Variants in ZYG11B observed in about 807,000 individuals in gnomAD.
ZYG11B encodes zyg-11 family member B, cell cycle regulator, also known as protein zyg-11 homolog B.
In ZYG11B, 36 loss-of-function variants were observed where a neutral mutation model predicts 82.4. The observed-to-expected ratio is 0.44, with a 90% CI of 0.33 to 0.58. The LOEUF (loss-of-function observed/expected upper bound fraction) is 0.58. ZYG11B is among the 20% of genes least tolerant of loss of function. The probability of loss-of-function intolerance (pLI) is 0.02; values close to 1 mark genes in which losing one functional copy is unlikely to be tolerated. For synonymous variants in ZYG11B, 303 were observed against 312.8 expected, an observed-to-expected ratio of 0.97 and a Z score of 0.33; for missense variants, 552 against 895.6, an observed-to-expected ratio of 0.62 and a Z score of 4.90.
intron 2 of ZYG11B, among the ~76,000 whole-genome samples, chr1:52,767,852 G>A (rs1359261660): frequency 6.6e-6 from 1 of 152,134 alleles, no homozygotes; most frequent in Non-Finnish European, 1.5e-5. Flanking sequence ...TCCTATGACA[G>A]CACCCCAGCA....
intron 1 of ZYG11B, among the ~76,000 whole-genome samples, chr1:52,735,557 G>T (rs1276888768): frequency 1.3e-5 from 2 of 151,636 alleles, no homozygotes; most frequent in Non-Finnish European, 2.9e-5. Flanking sequence ...TTTATTTTGA[G>T]ACAGAGTCTC....
At chr1:52,770,092 A>ATTTTTTTTTT (rs33953020) in intron 2 of ZYG11B, among the ~76,000 whole-genome samples, 1 of 94,470 alleles carries the variant, frequency 1.1e-5, no homozygotes, top group Non-Finnish European at 1.9e-5. Context: ...ATATATATAT[A>ATTTTTTTTTT]TTTTTTTTTT....
At chr1:52,728,475 C>T (rs1644303207) in intron 1 of ZYG11B, among the ~76,000 whole-genome samples, 1 of 152,202 alleles carries the variant, frequency 6.6e-6, no homozygotes, top group Non-Finnish European at 1.5e-5. Context: ...CCAGTCTGGT[C>T]TTGACCTCCT....
intron 1 of ZYG11B, among the ~76,000 whole-genome samples, chr1:52,741,266 C>T (rs1644427327): frequency 7.7e-6 from 1 of 129,856 alleles, no homozygotes; most frequent in Non-Finnish European, 1.6e-5. Context: ...CCATTGCACT[C>T]CAGCCTGGGG....
chr1:52,786,961 A>G (rs908555679), intron 5 of ZYG11B, among the ~76,000 whole-genome samples: 2 of 152,056 alleles, frequency 1.3e-5, no homozygotes, highest in Non-Finnish European at 2.9e-5. Context: ...GTGGTGGCGC[A>G]TGCTTATAAT....
chr1:52,820,130 G>A (rs1391708429), intron 13 of ZYG11B, among the ~76,000 whole-genome samples: 5 of 151,000 alleles, frequency 3.3e-5, no homozygotes, highest in Non-Finnish European at 5.9e-5. Context: ...TAGCCAGGAT[G>A]GTCTCGATCT....
chr1:52,799,823 A>G (rs1645061022), intron 8 of ZYG11B, among the ~76,000 whole-genome samples: 1 of 152,052 alleles, frequency 6.6e-6, no homozygotes, highest in African/African-American at 2.4e-5. Context: ...AAAAAAAGTA[A>G]TGTTATAAAG....
chr1:52,768,341 C>T (rs560198452), intron 2 of ZYG11B, among the ~76,000 whole-genome samples: 3 of 152,124 alleles, frequency 2.0e-5, no homozygotes, highest in African/African-American at 7.2e-5. Flanking sequence ...CAAGGTCCCC[C>T]CTAGCTGATC....
chr1:52,743,332 CT>C (rs1478311044), intron 1 of ZYG11B, among the ~76,000 whole-genome samples: 2 of 148,532 alleles, frequency 1.3e-5, no homozygotes, highest in Non-Finnish European at 3.0e-5. Context: ...CTGACCTTCC[CT>C]CCACTATTGT....
intron 3 of ZYG11B, among the ~76,000 whole-genome samples, chr1:52,776,411 G>C (rs1644810770): frequency 6.7e-6 from 1 of 149,608 alleles, no homozygotes. Flanking sequence ...ACAGATGCCT[G>C]TTGTCCCAGT....
chr1:52,801,237 A>G (rs1264852011), intron 8 of ZYG11B, among the ~76,000 whole-genome samples: 1 of 152,126 alleles, frequency 6.6e-6, no homozygotes, highest in Non-Finnish European at 1.5e-5. Flanking sequence ...AGGGGCTATT[A>G]TCTTATTTAT....
intron 2 of ZYG11B, among the ~76,000 whole-genome samples, chr1:52,758,617 T>TTA (rs1460091240): frequency 1.3e-5 from 2 of 152,154 alleles, no homozygotes; most frequent in Non-Finnish European, 2.9e-5. Context: ...TGCTGTGGCT[T>TTA]TATATATATA....
At chr1:52,770,861 T>A (rs143882784) in intron 2 of ZYG11B, among the ~76,000 whole-genome samples, 159 bp from the exon 3 acceptor site, 1 of 152,316 alleles carries the variant, frequency 6.6e-6, no homozygotes, top group Admixed American at 6.5e-5. Flanking sequence ...AGTTTACTCA[T>A]CTACAAGTTG....
At chr1:52,766,636 G>C (rs1469591951) in intron 2 of ZYG11B, among the ~76,000 whole-genome samples, 1 of 152,062 alleles carries the variant, frequency 6.6e-6, no homozygotes, top group Non-Finnish European at 1.5e-5. Context: ...GTTTTAGTTT[G>C]AGTCACTGAC....
intron 1 of ZYG11B, among the ~76,000 whole-genome samples, chr1:52,739,189 G>T (rs7530078): frequency 0.5 from 76,143 of 150,802 alleles, 19,352 homozygotes; most frequent in East Asian, 0.63. Flanking sequence ...GTTTCACCAT[G>T]TTGGCCATGT....
intron 6 of ZYG11B, 81 bp downstream of exon 6, chr1:52,790,148 A>G (rs1326307987): frequency 2.1e-6 from 2 of 946,704 alleles, no homozygotes; most frequent in East Asian, 2.7e-5. Flanking sequence ...ACCATTTAGG[A>G]TATCCCTTTT....
Position 52,776,229 on chromosome 1 carries a change from A to AAAATAT in ZYG11B, c.952-3623_952-3622insAATATA. 2.5e-4 allele frequency among the ~76,000 whole-genome samples: 6 copies of AAAATAT among 23,538 alleles called. 1 individual carries two copies. Among genetic ancestry groups the AAAATAT allele is most frequent in the South Asian group, 2.4e-3 (1 of 422 alleles). 15.4% of individuals were successfully genotyped at this position (23,538 alleles called of 152,430 possible). On this transcript the variant is annotated intron_variant, in intron 3 of 13. Coordinates refer to ENST00000294353, the MANE Select transcript of ZYG11B (RefSeq NM_024646.3). Reference sequence around the variant, plus strand: ...AGCAAAACTCTGTCTTAAAAAAAAAAATATATATATATATATGCAATAAAG... The same window carrying AAAATAT: ...AGCAAAACTCTGTCTTAAAAAAAAAAAAATATATATATATATATATATGCAATAAAG...
chr1:52,802,340 CTTTT>C (rs397980205), intron 10 of ZYG11B, among the ~76,000 whole-genome samples: 1,811 of 78,114 alleles, frequency 0.023, 40 homozygotes, highest in African/African-American at 0.085. Flanking sequence ...TTCTTTCTCT[CTTTT>C]TTTTTTTTTT....
At chr1:52,743,973 C>T (rs547715905) in intron 1 of ZYG11B, among the ~76,000 whole-genome samples, 53 of 151,956 alleles carry the variant, frequency 3.5e-4, no homozygotes, top group African/African-American at 1.3e-3. Flanking sequence ...CGCTCTGTCA[C>T]CCAGACTGGA....
Sources: allele counts gnomAD v4.1 joint callset (sites outside exome capture counted in the v4.1 genomes callset), GRCh38; gene constraint gnomAD v4.1.1; transcripts MANE v1.5; gene names NCBI Gene and HGNC (gene_info 2026-07-23, HGNC 2026-07-21).